PDE5A: variants seen among roughly 807,000 people sequenced by gnomAD.
PDE5A encodes the protein cGMP-specific 3',5'-cyclic phosphodiesterase.
Under a neutral mutation model 110.2 loss-of-function variants are expected in PDE5A, and 67 were observed. The ratio of observed to expected loss-of-function variants is 0.61; its 90% CI spans 0.50 to 0.75. The LOEUF is 0.75. Among genes scored for constraint, PDE5A ranks in the 30% least tolerant of loss-of-function variants. The pLI, the probability that PDE5A is intolerant of heterozygous loss-of-function variation, is 0.00. For synonymous variants in PDE5A, 328 were observed against 351.2 expected (o/e 0.93, Z 0.74); for missense variants, 862 against 1,045.1 (o/e 0.82, Z 2.42).
At chr4:119,595,410 G>A (rs1237105245) in intron 3 of PDE5A, among the ~76,000 whole-genome samples, 2 of 152,168 alleles carry the variant, frequency 1.3e-5, no homozygotes, top group Non-Finnish European at 2.9e-5. Flanking sequence ...CAGATAACTG[G>A]TAAAACATTT....
intron 4 of PDE5A, among the ~76,000 whole-genome samples, chr4:119,566,781 T>C (rs1240238106): frequency 1.3e-5 from 2 of 152,178 alleles, no homozygotes; most frequent in Non-Finnish European, 2.9e-5. Context: ...GTAAATGATA[T>C]AGTTAAAATA....
intron 9 of PDE5A, among the ~76,000 whole-genome samples, chr4:119,546,351 G>A (rs1250709162): frequency 6.6e-6 from 1 of 151,864 alleles, no homozygotes; most frequent in African/African-American, 2.4e-5. Flanking sequence ...TCATTCAAAA[G>A]TATCTTACTT....
intron 3 of PDE5A, among the ~76,000 whole-genome samples, chr4:119,570,972 A>G (rs1160144964): frequency 6.6e-6 from 1 of 152,162 alleles, no homozygotes; most frequent in Non-Finnish European, 1.5e-5. Flanking sequence ...ATTCTGCCAT[A>G]AATACTTTAT....
At chr4:119,498,874 G>T in intron 20 of PDE5A, 136 bp from the exon 21 acceptor site, 1 of 799,414 alleles carries the variant, frequency 1.3e-6, no homozygotes, top group Non-Finnish European at 2.0e-6. Flanking sequence ...CAAGCTTTGT[G>T]AGCACATACA....
intron 14 of PDE5A, among the ~76,000 whole-genome samples, chr4:119,517,698 T>G (rs1725965933): frequency 6.6e-6 from 1 of 151,950 alleles, no homozygotes; most frequent in African/African-American, 2.4e-5. Context: ...GAGTGTTTTT[T>G]TTTTCACTCT....
chr4:119,541,441 T>C (rs1447394764), intron 10 of PDE5A, among the ~76,000 whole-genome samples: 1 of 151,968 alleles, frequency 6.6e-6, no homozygotes, highest in African/African-American at 2.4e-5. Context: ...TATTTGTGTG[T>C]ATATGTGTAC....
chr4:119,622,173 CA>C (rs11334790), intron 1 of PDE5A, among the ~76,000 whole-genome samples: 121,529 of 135,822 alleles, frequency 0.89, 54,201 homozygotes, highest in East Asian at 0.94. Context: ...GACTCCATCT[CA>C]AAAAAAAAAA....
At chr4:119,557,766 C>A (rs1272433585) in intron 7 of PDE5A, among the ~76,000 whole-genome samples, 1 of 152,060 alleles carries the variant, frequency 6.6e-6, no homozygotes, top group Non-Finnish European at 1.5e-5. Context: ...GCTAGTAAGC[C>A]CAGTATGTGG....
intron 1 of PDE5A, among the ~76,000 whole-genome samples, chr4:119,620,633 TCTTTA>T (rs1730109748): frequency 6.6e-6 from 1 of 152,212 alleles, no homozygotes; most frequent in Admixed American, 6.5e-5. Flanking sequence ...GTTTTGAAGA[TCTTTA>T]CTTTGTTCTA....
chr4:119,509,859 TC>T (rs1725681572), intron 15 of PDE5A, among the ~76,000 whole-genome samples: 1 of 151,994 alleles, frequency 6.6e-6, no homozygotes, highest in Non-Finnish European at 1.5e-5. Context: ...GGTGTGGAGT[TC>T]CTGTGTATGT....
chr4:119,563,695 G>C (rs1165003667), intron 5 of PDE5A, among the ~76,000 whole-genome samples: 1 of 152,132 alleles, frequency 6.6e-6, no homozygotes, highest in African/African-American at 2.4e-5. Context: ...TGGGAGATGA[G>C]GTTGCAGCGT....
At chr4:119,514,936 A>T (rs1294465961) in intron 14 of PDE5A, among the ~76,000 whole-genome samples, 1 of 152,168 alleles carries the variant, frequency 6.6e-6, no homozygotes, top group Non-Finnish European at 1.5e-5. Flanking sequence ...GTCACAGAGT[A>T]AGAGGAGAGA....
At position 119,495,044 on chromosome 4, in the gene PDE5A, A is replaced by G. The variant is rs1725010204; in HGVS notation, c.*3557T>C. On this transcript the variant is annotated 3_prime_UTR_variant, in exon 21 of 21. Transcript: ENST00000354960. ...TACAAAACTCCTAAAGTGTTCTTCA[A>G]CTATCAGCAGGTTAAGTGATTCATA... The G allele has an allele frequency of 6.6e-6, 1 of 152,574 alleles. No individual in the cohort carries two copies. The highest frequency in any genetic ancestry group is 1.5e-5 in the Non-Finnish European group (1 of 68,040). The allele number at this position is 152,574 out of a possible 1,614,324, so 9.5% of individuals were successfully genotyped here.
At chr4:119,519,689 C>CA (rs1282642073) in intron 13 of PDE5A, 2 of 151,996 alleles carry the variant, frequency 1.3e-5, no homozygotes, top group South Asian at 2.1e-4. Flanking sequence ...CCTTCATTCG[C>CA]AAAAAACACA....
At chr4:119,552,675 T>C in intron 8 of PDE5A, 38 bp from the exon 9 acceptor site, 1 of 1,129,332 alleles carries the variant, frequency 8.9e-7, no homozygotes, top group Non-Finnish European at 1.3e-6. Flanking sequence ...GCTAAAATGG[T>C]AAAGAGATTG....
Position 119,627,394 on chromosome 4 carries a change from C to G in PDE5A, c.152+1126G>C. 2 of 750,518 alleles carry G rather than the reference C, an allele frequency of 2.7e-6. No homozygotes were observed. Among genetic ancestry groups the G allele is most frequent in the Non-Finnish European group, 3.3e-6 (2 of 614,288 alleles). The allele number at this position is 750,518 out of a possible 1,614,324, so 46.5% of individuals were successfully genotyped here. ...GACCGGCAGAGCCGCGGCCGCGCGCCGGCGAGTGGGACCCGGGCGTCGAAC... is the reference window on the plus strand; with the variant it reads ...GACCGGCAGAGCCGCGGCCGCGCGCGGGCGAGTGGGACCCGGGCGTCGAAC... On this transcript the variant is annotated intron_variant, in intron 1 of 20. Coordinates refer to ENST00000354960, the MANE Select transcript of PDE5A (RefSeq NM_001083.4). This position sits in a 1 kb window ranked among gnomAD's most constrained non-coding sequence, Gnocchi z 4.6.
In PDE5A at chr4:119,503,477, CTA is replaced by C. The variant is rs150824508; in HGVS notation, c.2332-824_2332-823del. Among the ~76,000 whole-genome samples, 854 of 152,194 alleles carry C rather than the reference CTA, an allele frequency of 5.6e-3. 10 individuals carry two copies. The highest frequency in any genetic ancestry group is 0.019 in the African/African-American group (788 of 41,546). On this transcript the variant is annotated intron_variant, in intron 18 of 20. Transcript: ENST00000354960. ...CTACATCTACAAGCCCCAGAAATCT[CTA>C]TGTTCTACTTGTTAATGTCTATTTA...
At chr4:119,552,240 A>G (rs969860773) in intron 9 of PDE5A, among the ~76,000 whole-genome samples, 3 of 152,204 alleles carry the variant, frequency 2.0e-5, no homozygotes, top group Admixed American at 6.5e-5. Flanking sequence ...CATCCAGGAA[A>G]TAAGACTCTA....
rs202245393 is a variant in PDE5A at position 119,606,814 on chromosome 4, T to C, written c.636A>G (p.Thr212=). The change falls in exon 2 of 21, where the codon ACA becomes ACG. Residue 212 remains threonine (T), a synonymous_variant. Coordinates refer to ENST00000354960, the MANE Select transcript of PDE5A (RefSeq NM_001083.4). ...TACAGTTATTTGAAACTTCTTCCAGTGTTGAACCTTCAGCAACATCAAAGA... is the reference window on the plus strand; with the variant it reads ...TACAGTTATTTGAAACTTCTTCCAGCGTTGAACCTTCAGCAACATCAAAGA... The part of the protein sequence containing the change: ...SRLFDVAEGS[T]LEEVSNNCIR... 7 of 1,614,212 alleles carry C rather than the reference T, an allele frequency of 4.3e-6. No homozygotes were observed. The highest frequency in any genetic ancestry group is 1.3e-5 in the African/African-American group (1 of 75,060).
Sources: gnomAD v4.1 joint callset for allele counts (sites outside exome capture counted in the v4.1 genomes callset) on GRCh38, gnomAD v4.1.1 for gene constraint, Gnocchi (gnomAD v3.1) non-coding constraint, MANE v1.5 for transcripts, NCBI Gene and HGNC (gene_info 2026-07-23, HGNC 2026-07-21) for gene names.